Variants in RTTN observed in about 807,000 individuals in gnomAD.
RTTN encodes rotatin.
In RTTN, 182 loss-of-function variants were observed where a neutral mutation model predicts 269.2. The ratio of observed to expected loss-of-function variants is 0.68; its 90% CI spans 0.60 to 0.76. RTTN has a LOEUF of 0.76. RTTN is among the 30% of genes least tolerant of loss of function. RTTN has a pLI of 0.00. For missense variants in RTTN, 2,545 were observed against 2,608.6 expected (o/e 0.98, Z 0.53); for synonymous variants, 1,006 against 963.5 (o/e 1.04, Z -0.82).
chr18:70,104,260 T>C (rs527522870), intron 28 of RTTN, among the ~76,000 whole-genome samples: 1 of 152,356 alleles, frequency 6.6e-6, no homozygotes, highest in East Asian at 1.9e-4. Context: ...ACTGATACCC[T>C]TTCTTCCACT....
At chr18:70,161,123 C>T (rs561589202) in intron 14 of RTTN, among the ~76,000 whole-genome samples, 15 of 152,162 alleles carry the variant, frequency 9.9e-5, no homozygotes, top group South Asian at 2.1e-4. Flanking sequence ...GTAACCAAAA[C>T]AGCATGGTAC....
intron 46 of RTTN, among the ~76,000 whole-genome samples, chr18:70,012,027 C>T (rs529216755): frequency 8.6e-5 from 12 of 139,518 alleles, no homozygotes; most frequent in Non-Finnish European, 1.7e-4. Flanking sequence ...TACAGGGCAG[C>T]GTCTGCTCAC....
In RTTN at chr18:70,005,288, G is replaced by T. The variant is rs1387799580; in HGVS notation, c.6526-21C>A. 1.9e-6 allele frequency: 3 copies of T among 1,591,296 alleles called. No individual in the cohort carries two copies. The South Asian group carries it at 3.3e-5, about 18-fold the overall frequency. On this transcript the variant is annotated intron_variant, in intron 47 of 48. Coordinates refer to ENST00000640769, the MANE Select transcript of RTTN (RefSeq NM_173630.4). ...TTTGCCTAGAACAATCCATTAATTAGGTTTCTTGCCATGTGTTATGGATCA... is the reference window on the plus strand; with the variant it reads ...TTTGCCTAGAACAATCCATTAATTATGTTTCTTGCCATGTGTTATGGATCA...
chr18:70,189,387 G>C (rs952078936), intron 9 of RTTN, among the ~76,000 whole-genome samples: 1 of 152,088 alleles, frequency 6.6e-6, no homozygotes, highest in Non-Finnish European at 1.5e-5. Context: ...ATAGACATGG[G>C]ACTTAAAGAA....
intron 28 of RTTN, among the ~76,000 whole-genome samples, chr18:70,108,660 T>A (rs997591525): frequency 8.5e-5 from 13 of 152,052 alleles, no homozygotes; most frequent in African/African-American, 2.9e-4. Flanking sequence ...AAAAGAGTAA[T>A]ACATCACAAC....
chr18:70,035,664 T>C (rs568987742), intron 40 of RTTN, among the ~76,000 whole-genome samples: 2 of 152,144 alleles, frequency 1.3e-5, no homozygotes, highest in African/African-American at 4.8e-5. Flanking sequence ...GATTTCATGA[T>C]GAAAATGTGA....
At position 70,059,823 on chromosome 18, in the gene RTTN, G is replaced by C. The variant is rs770995516; in HGVS notation, c.4940+27C>G. The C allele has an allele frequency of 2.8e-6, 4 of 1,432,890 alleles. No individual in the cohort carries two copies. The South Asian group carries it at 6.0e-5, about 22-fold the overall frequency. The allele number at this position is 1,432,890 out of a possible 1,614,324, so 88.8% of individuals were successfully genotyped here. A position where few individuals can be genotyped will look rare whatever the true frequency, so the allele number is the denominator to read the frequency against. On this transcript the variant is annotated intron_variant, in intron 36 of 48. Coordinates refer to ENST00000640769, the MANE Select transcript of RTTN (RefSeq NM_173630.4). The stretch of plus-strand genomic sequence containing the variant: ...TGTGTAAATTTATCTCAACTAACAT[G>C]CCTCTCTAGGAGTATTTATCTCTTA...
At chr18:70,185,790 A>G (rs925136782) in intron 10 of RTTN, among the ~76,000 whole-genome samples, 9 of 152,222 alleles carry the variant, frequency 5.9e-5, no homozygotes, top group South Asian at 2.1e-4. Flanking sequence ...AAACAAAACA[A>G]AAAAAACTAC....
At chr18:70,121,502 C>T (rs2059736737) in intron 26 of RTTN, 54 bp downstream of exon 26, 2 of 1,374,008 alleles carry the variant, frequency 1.5e-6, no homozygotes, top group African/African-American at 1.5e-5. Context: ...TTAATGATTT[C>T]TACAAATAAG....
intron 14 of RTTN, among the ~76,000 whole-genome samples, chr18:70,153,122 A>G (rs2060582166): frequency 1.3e-5 from 2 of 152,074 alleles, no homozygotes; most frequent in South Asian, 2.1e-4. Context: ...GCCAGCCTAC[A>G]TAAATTTAGT....
At chr18:70,165,662 T>C (rs892607174) in intron 14 of RTTN, among the ~76,000 whole-genome samples, 68 of 151,110 alleles carry the variant, frequency 4.5e-4, no homozygotes, top group South Asian at 1.5e-3. Context: ...GACAGAAAAA[T>C]AAATATTTCA....
intron 34 of RTTN, among the ~76,000 whole-genome samples, chr18:70,067,315 A>T (rs987880484): frequency 2.0e-5 from 3 of 151,854 alleles, no homozygotes; most frequent in Non-Finnish European, 4.4e-5. Flanking sequence ...GCCCGCCACC[A>T]CGCCCGGCTA....
intron 4 of RTTN, among the ~76,000 whole-genome samples, chr18:70,200,382 T>C (rs2061917371): frequency 6.6e-6 from 1 of 152,160 alleles, no homozygotes; most frequent in Non-Finnish European, 1.5e-5. Context: ...AAACTGCAAC[T>C]CACATAAAAG....
In RTTN at chr18:70,085,832, G is replaced by C. The variant is rs566725340; in HGVS notation, c.4374+781C>G. On this transcript the variant is annotated intron_variant, in intron 32 of 48. Transcript: ENST00000640769. The stretch of plus-strand genomic sequence containing the variant: ...ACACTGAGACTCCCAAGGAGGGAGT[G>C]GGGGAGGCGGCTGAGGTTATAAATT... Among the ~76,000 whole-genome samples, 5 of 152,252 alleles carry C rather than the reference G, an allele frequency of 3.3e-5. No individual in the cohort carries two copies. In the South Asian group the frequency reaches 6.2e-4, roughly 19 times the overall value.
intron 18 of RTTN, among the ~76,000 whole-genome samples, chr18:70,145,375 C>T (rs2060361969): frequency 1.3e-5 from 2 of 152,036 alleles, no homozygotes; most frequent in South Asian, 2.1e-4. Flanking sequence ...CTGCCCTGAT[C>T]CATGGAAAAA....
rs1248425409 is a variant in RTTN, at chr18:70,030,949, C to T, written c.5574G>A (p.Leu1858=). ...TCAATGCATTTGCAGCTACTCTTTTCAGGATATCTTTGGAGGATTTCCCTT... is the reference window on the plus strand; with the variant it reads ...TCAATGCATTTGCAGCTACTCTTTTTAGGATATCTTTGGAGGATTTCCCTT... ...CYEGKSSKDI[L]KRVAANALMS... Residue 1858 remains leucine (L), a synonymous_variant, in exon 41 of 49, where the codon CTG becomes CTA. Coordinates refer to ENST00000640769, the MANE Select transcript of RTTN (RefSeq NM_173630.4). The T allele has an allele frequency of 2.5e-6, 4 of 1,613,440 alleles. No homozygotes were observed. Among genetic ancestry groups the T allele is most frequent in the Non-Finnish European group, 3.4e-6 (4 of 1,179,798 alleles).
intron 10 of RTTN, among the ~76,000 whole-genome samples, chr18:70,177,175 A>G (rs977243492): frequency 6.6e-6 from 1 of 152,220 alleles, no homozygotes; most frequent in African/African-American, 2.4e-5. Flanking sequence ...AATTGTTCCA[A>G]TTTGGAACGT....
chr18:70,012,451 A>T (rs572915153), intron 46 of RTTN, among the ~76,000 whole-genome samples: 2,120 of 143,890 alleles, frequency 0.015, 38 homozygotes, highest in Non-Finnish European at 0.019. Flanking sequence ...GGTATTGGTT[A>T]CAGGGCAGCA....
chr18:70,092,057 G>C, intron 30 of RTTN, 53 bp downstream of exon 30: 2 of 1,203,192 alleles, frequency 1.7e-6, no homozygotes, highest in Non-Finnish European at 2.4e-6. Context: ...CTGGCCCCGT[G>C]TCATTTGTTT....
Sources: gnomAD v4.1 joint callset for allele counts (sites outside exome capture counted in the v4.1 genomes callset) on GRCh38, gnomAD v4.1.1 for gene constraint, MANE v1.5 for transcripts, NCBI Gene and HGNC (gene_info 2026-07-23, HGNC 2026-07-21) for gene names.